Variants in UBE2F observed in about 807,000 individuals in gnomAD.
UBE2F encodes NEDD8-conjugating enzyme UBE2F.
A neutral mutation model predicts 29.6 loss-of-function variants in UBE2F; 5 were observed. The observed-to-expected ratio is 0.17, with a 90% CI of 0.09 to 0.36. The LOEUF is 0.36. Ranked by LOEUF, UBE2F falls within the 10% of genes least tolerant of loss-of-function variation. The pLI, the probability that UBE2F is intolerant of heterozygous loss-of-function variation, is 1.00. For missense variants in UBE2F, 141 were observed against 228.5 expected (o/e 0.62, Z 2.47); for synonymous variants, 66 against 81.8 (o/e 0.81, Z 1.04).
rs577903245 is a variant in UBE2F, at chr2:237,999,242, G to A, written c.214+4433G>A. Among the ~76,000 whole-genome samples the A allele has an allele frequency of 1.3e-4, 20 of 152,194 alleles. No individual in the cohort carries two copies. The South Asian group carries it at 4.1e-3, about 32-fold the overall frequency. On this transcript the variant is annotated intron_variant, in intron 4 of 9. Transcript: ENST00000272930. Reference sequence around the variant, plus strand: ...GTAATGTTTTTGAGTTTCATCCATTGTAGTTTTAGTAGAGACGGGGTTTTG... The same window carrying A: ...GTAATGTTTTTGAGTTTCATCCATTATAGTTTTAGTAGAGACGGGGTTTTG...
chr2:238,024,912 T>C (rs769391791), intron 5 of UBE2F, among the ~76,000 whole-genome samples: 11 of 152,192 alleles, frequency 7.2e-5, no homozygotes, highest in Non-Finnish European at 1.0e-4. Flanking sequence ...CTTTCAGCCA[T>C]AGTAACTTGT....
intron 5 of UBE2F, among the ~76,000 whole-genome samples, chr2:238,018,011 A>G (rs2064201047): frequency 6.6e-6 from 1 of 152,218 alleles, no homozygotes. Context: ...AATGTAATTT[A>G]TGGGGATAGG....
chr2:237,968,936 G>A, intron 1 of UBE2F: 1 of 687,332 alleles, frequency 1.5e-6, no homozygotes, highest in Non-Finnish European at 1.8e-6. Flanking sequence ...TTGACAGTTT[G>A]AAGACTTACT....
At chr2:238,035,325 T>C (rs4663281) in intron 8 of UBE2F, 128,813 of 154,248 alleles carry the variant, frequency 0.84, 53,899 homozygotes, top group East Asian at 0.97. Flanking sequence ...GAGAATGGGT[T>C]GGGCTCCCTC....
intron 2 of UBE2F, among the ~76,000 whole-genome samples, chr2:237,978,877 C>T (rs1263176988): frequency 6.6e-6 from 1 of 152,144 alleles, no homozygotes; most frequent in African/African-American, 2.4e-5. Context: ...GGGTCTGAGT[C>T]CATGGTGCTC....
Position 237,991,609 on chromosome 2 carries a change from C to CTTTTTTTTT in UBE2F, c.149-3130_149-3122dup, listed in dbSNP as rs774476848. ...AACCTTTCTTTTCTTTTCTTTCTTT[C>CTTTTTTTTT]TTTTTTTTTTTTTGAGACAGTCTTG... On this transcript the variant is annotated intron_variant, in intron 3 of 9. Transcript: ENST00000272930. 6.4e-4 allele frequency among the ~76,000 whole-genome samples: 34 copies of CTTTTTTTTT among 53,052 alleles called. 1 individual carries two copies. The highest frequency in any genetic ancestry group is 2.3e-3 in the African/African-American group (33 of 14,370). The allele number at this position is 53,052 out of a possible 152,430, so 34.8% of individuals were successfully genotyped here.
intron 3 of UBE2F, among the ~76,000 whole-genome samples, chr2:237,991,596 CT>C (rs1364457337): frequency 4.0e-5 from 2 of 50,182 alleles, no homozygotes; most frequent in African/African-American, 1.7e-4. Context: ...CCTTTCTTTT[CT>C]TTTCTTTCTT....
chr2:238,014,305 G>C (rs918971373), intron 4 of UBE2F, among the ~76,000 whole-genome samples: 12 of 152,230 alleles, frequency 7.9e-5, no homozygotes, highest in Non-Finnish European at 1.5e-4. Flanking sequence ...AAGAAGTACT[G>C]ATGCAGGAGC....
At chr2:238,041,131 T>C (rs1228974945) in intron 9 of UBE2F, among the ~76,000 whole-genome samples, 157 bp from the exon 10 acceptor site, 1 of 152,100 alleles carries the variant, frequency 6.6e-6, no homozygotes, top group Non-Finnish European at 1.5e-5. Flanking sequence ...CGTGGCGAAA[T>C]GGCACTCAGA....
Position 238,041,295 on chromosome 2 carries a change from TC to T in UBE2F, c.517del (p.Arg173GlyfsTer32). On this transcript the variant is annotated frameshift_variant, in exon 10 of 10. Transcript: ENST00000272930. LOFTEE classifies it high-confidence loss of function. ...AATGCTGTTACTCCACAGGAGGACT[TC>T]CGGAATAAAGTGGATGACTACATCA... is the stretch of plus-strand genomic sequence containing the variant. ...AEHHLRDKED[F>X]RNKVDDYIKR... 6.2e-7 allele frequency: 1 copy of T among 1,613,956 alleles called. No homozygotes were observed. Among genetic ancestry groups the T allele is most frequent in the Admixed American group, 1.7e-5 (1 of 60,018 alleles).
intron 3 of UBE2F, among the ~76,000 whole-genome samples, chr2:237,989,919 G>T (rs747934481): frequency 1.3e-5 from 2 of 151,844 alleles, no homozygotes; most frequent in Non-Finnish European, 2.9e-5. Context: ...AGGAGTTCGA[G>T]ACCAGCTTGG....
intron 3 of UBE2F, among the ~76,000 whole-genome samples, chr2:237,989,965 A>G (rs1393335616): frequency 1.3e-5 from 2 of 151,962 alleles, no homozygotes; most frequent in Non-Finnish European, 2.9e-5. Flanking sequence ...CTAAAAGTGC[A>G]AATTTAGCCA....
chr2:237,987,868 T>TC, intron 2 of UBE2F, 95 bp from the exon 3 acceptor site: 1 of 669,444 alleles, frequency 1.5e-6, no homozygotes, highest in Middle Eastern at 3.4e-4. Context: ...TTTTTTTTTT[T>TC]GATTCAGTGT....
intron 4 of UBE2F, among the ~76,000 whole-genome samples, chr2:238,015,672 T>A (rs566121344): frequency 3.9e-4 from 60 of 152,320 alleles, no homozygotes; most frequent in African/African-American, 1.4e-3. Context: ...AGGAAAATGA[T>A]AAGATTTAAT....
At chr2:237,970,351 G>A (rs1456911532) in intron 1 of UBE2F, among the ~76,000 whole-genome samples, 1 of 152,158 alleles carries the variant, frequency 6.6e-6, no homozygotes, top group African/African-American at 2.4e-5. Context: ...CTCCAGCCTG[G>A]GCTACAGAGC....
intron 2 of UBE2F, among the ~76,000 whole-genome samples, chr2:237,978,680 G>T (rs910494279): frequency 6.6e-6 from 1 of 152,302 alleles, no homozygotes; most frequent in East Asian, 1.9e-4. Flanking sequence ...TTGCCTGGAG[G>T]GTGTAGAATG....
chr2:238,009,120 C>A (rs1486741813), intron 4 of UBE2F, among the ~76,000 whole-genome samples: 1 of 152,192 alleles, frequency 6.6e-6, no homozygotes, highest in Non-Finnish European at 1.5e-5. Context: ...CCACTTTATG[C>A]GATGTGCATT....
At chr2:238,018,398 G>A (rs949462670) in intron 5 of UBE2F, among the ~76,000 whole-genome samples, 1 of 147,118 alleles carries the variant, frequency 6.8e-6, no homozygotes, top group African/African-American at 2.7e-5. Flanking sequence ...ATTGTTTCAG[G>A]TATATCTGGC....
chr2:238,019,641 C>T (rs1452405769), intron 5 of UBE2F, among the ~76,000 whole-genome samples: 5 of 139,298 alleles, frequency 3.6e-5, no homozygotes, highest in African/African-American at 1.3e-4. Context: ...GCTGGGGAGC[C>T]ACTGTGCTCA....
Sources: gnomAD v4.1 joint callset for allele counts (sites outside exome capture counted in the v4.1 genomes callset) on GRCh38, gnomAD v4.1.1 for gene constraint, MANE v1.5 for transcripts, NCBI Gene and HGNC (gene_info 2026-07-23, HGNC 2026-07-21) for gene names.